Variants in IRAK3 observed in about 807,000 individuals in gnomAD.
The protein encoded by IRAK3 is interleukin-1 receptor-associated kinase 3.
A neutral mutation model predicts 56.6 loss-of-function variants in IRAK3; 57 were observed. The ratio of observed to expected loss-of-function variants is 1.01; its 90% confidence interval spans 0.81 to 1.26. The LOEUF (loss-of-function observed/expected upper bound fraction) is 1.26. Ranked by LOEUF, IRAK3 falls within the 50% of genes most tolerant of loss-of-function variation. The pLI is 0.00. For synonymous variants in IRAK3, 258 were observed against 255.7 expected, an observed-to-expected ratio of 1.01 and a Z score of -0.09; for missense variants, 703 against 719.0, an observed-to-expected ratio of 0.98 and a Z score of 0.25.
At chr12:66,221,772 G>A (rs1351013478) in intron 6 of IRAK3, among the ~76,000 whole-genome samples, 4 of 152,198 alleles carry the variant, frequency 2.6e-5, no homozygotes, top group East Asian at 1.9e-4. Context: ...GCACATGCCT[G>A]TAATCCCAGC....
At chr12:66,240,145 CT>C (rs1337988926) in intron 8 of IRAK3, among the ~76,000 whole-genome samples, 1 of 152,156 alleles carries the variant, frequency 6.6e-6, no homozygotes, top group African/African-American at 2.4e-5. Flanking sequence ...TTAAAGCATA[CT>C]TTGAGCCCTC....
intron 7 of IRAK3, among the ~76,000 whole-genome samples, chr12:66,227,632 C>T (rs111823197): frequency 0.034 from 5,179 of 151,720 alleles, 276 homozygotes; most frequent in African/African-American, 0.11. Context: ...CATGATGGCA[C>T]ATGCCTGTCC....
At chr12:66,197,262 T>A (rs112196656) in intron 1 of IRAK3, 28,072 of 1,165,222 alleles carry the variant, frequency 0.024, 392 homozygotes, top group Non-Finnish European at 0.027. Flanking sequence ...ACATAATTAG[T>A]CATTGAGAAC....
chr12:66,209,488 C>A lies in IRAK3; in HGVS notation c.349C>A (p.Gln117Lys). The A allele has an allele frequency of 6.2e-7, 1 of 1,606,066 alleles. No homozygotes were observed. The highest frequency in any genetic ancestry group is 8.5e-7 in the Non-Finnish European group (1 of 1,172,948). Residue 117 changes from glutamine to lysine, a missense_variant, in exon 3 of 12, where the codon CAG (glutamine) becomes AAG (lysine). Physicochemically the swap from Gln to Lys is moderately conservative, Grantham distance 53. Transcript: ENST00000261233. ...AVLSPSEKSY[Q>K]EGGFPNILFK... ...GTTGAGTCCTTCAGAGAAGAGTTAT[C>A]AGGAAGGTGGATTTCCAAATATATT... is the stretch of plus-strand genomic sequence containing the variant.
At chr12:66,244,421 ATGTT>A (rs1348325858) in intron 8 of IRAK3, 61 bp from the exon 9 acceptor site, 24 of 1,172,076 alleles carry the variant, frequency 2.0e-5, no homozygotes, top group Non-Finnish European at 2.7e-5. Context: ...AGTTTATAGT[ATGTT>A]TGTTTACACT....
intron 8 of IRAK3, among the ~76,000 whole-genome samples, chr12:66,229,723 G>A (rs891018904): frequency 2.0e-5 from 3 of 152,256 alleles, no homozygotes; most frequent in Non-Finnish European, 4.4e-5. Flanking sequence ...GGAGTTATCC[G>A]TTGGAATTGC....
intron 5 of IRAK3, among the ~76,000 whole-genome samples, chr12:66,212,055 G>A (rs1017040091): frequency 2.3e-4 from 34 of 149,888 alleles, no homozygotes; most frequent in South Asian, 4.2e-4. Context: ...AGGCTGCAGT[G>A]AGCCAAGATT....
chr12:66,213,023 A>G (rs1297903774), intron 5 of IRAK3, among the ~76,000 whole-genome samples: 1 of 152,152 alleles, frequency 6.6e-6, no homozygotes, highest in Admixed American at 6.5e-5. Context: ...TGTTCAGCAC[A>G]TGTATCCAGA....
Position 66,211,460 on chromosome 12 carries a change from T to G in IRAK3, c.451T>G (p.Ser151Ala). ...EHNEKGILLK[S>A]SISFQNIIEG... ...TCCTTCCTAAGGAATACTGCTTAAA[T>G]CTTCCATCAGCTTTCAAAATATCAT... is the stretch of plus-strand genomic sequence containing the variant. The change falls in exon 5 of 12, where the codon TCT becomes GCT. Residue 151 changes from serine to alanine, a missense_variant. Coordinates refer to ENST00000261233, the MANE Select transcript of IRAK3 (RefSeq NM_007199.3). The G allele has an allele frequency of 3.8e-6, 6 of 1,599,198 alleles. No homozygotes were observed. The highest frequency in any genetic ancestry group is 5.1e-6 in the Non-Finnish European group (6 of 1,166,276).
At chr12:66,215,798 A>AGGTG (rs1565804040) in intron 5 of IRAK3, among the ~76,000 whole-genome samples, 1 of 53,996 alleles carries the variant, frequency 1.9e-5, no homozygotes, top group African/African-American at 5.0e-5. Flanking sequence ...ACACACACAC[A>AGGTG]CACACACACA....
Position 66,226,850 on chromosome 12 carries a change from T to A in IRAK3, c.768+13T>A. ...ATTGCAGTGTGTAGTAAGTTCTATC[T>A]ATTATTCTGTCTGATCCTCTGACCC... On this transcript the variant is annotated intron_variant, in intron 7 of 11. Coordinates refer to ENST00000261233, the MANE Select transcript of IRAK3 (RefSeq NM_007199.3). 7.1e-7 allele frequency: 1 copy of A among 1,417,546 alleles called. No homozygotes were observed. The allele number at this position is 1,417,546 out of a possible 1,614,324, so 87.8% of individuals were successfully genotyped here. A position where few individuals can be genotyped will look rare whatever the true frequency, so the allele number is the denominator to read the frequency against.
At chr12:66,205,246 TGTG>T (rs1460163360) in intron 2 of IRAK3, among the ~76,000 whole-genome samples, 3 of 152,252 alleles carry the variant, frequency 2.0e-5, no homozygotes, top group African/African-American at 7.2e-5. Flanking sequence ...CAGAGAATAA[TGTG>T]GACTGTAAGT....
chr12:66,241,580 C>T lies in IRAK3; in HGVS notation c.888-2906C>T, dbSNP rs576791624. ...TCGTTGAAGGGCCTTTTGCAATTTC[C>T]GCTTTCCTAAAACAGAACATCCTTC... On this transcript the variant is annotated intron_variant, in intron 8 of 11. Transcript: ENST00000261233. Among the ~76,000 whole-genome samples, 6 of 152,270 alleles carry T rather than the reference C, an allele frequency of 3.9e-5. No homozygotes were observed. The East Asian group carries it at 7.7e-4, about 20-fold the overall frequency.
At chr12:66,195,324 G>C (rs2052440552) in intron 1 of IRAK3, among the ~76,000 whole-genome samples, 1 of 152,142 alleles carries the variant, frequency 6.6e-6, no homozygotes, top group Non-Finnish European at 1.5e-5. Context: ...TTTAGCAGTT[G>C]GCTGACTGGG....
chr12:66,238,317 T>G (rs1169693721), intron 8 of IRAK3, among the ~76,000 whole-genome samples: 1 of 152,214 alleles, frequency 6.6e-6, no homozygotes, highest in African/African-American at 2.4e-5. Flanking sequence ...CATCAACGCC[T>G]GCTGAATAAC....
At chr12:66,236,493 A>G (rs1012895597) in intron 8 of IRAK3, among the ~76,000 whole-genome samples, 2 of 151,322 alleles carry the variant, frequency 1.3e-5, no homozygotes, top group Non-Finnish European at 2.9e-5. Flanking sequence ...GCTTGAACCC[A>G]GGAGGTGGAG....
rs374773108 is a variant in IRAK3, at chr12:66,228,397, T to C, written c.887+27T>C. Reference sequence around the variant, plus strand: ...TAAATTATTCCAGAGCTTTTGGTTATACCTGAAAGCTTCTTTTATCCTCAC... The same window carrying C: ...TAAATTATTCCAGAGCTTTTGGTTACACCTGAAAGCTTCTTTTATCCTCAC... On this transcript the variant is annotated intron_variant, in intron 8 of 11. Transcript: ENST00000261233. 5.7e-5 allele frequency: 85 copies of C among 1,490,854 alleles called. No individual in the cohort carries two copies. The South Asian group carries it at 7.2e-4, about 13-fold the overall frequency. 92.4% of individuals were successfully genotyped at this position (1,490,854 alleles called of 1,614,324 possible).
rs1327187026 is a variant in IRAK3, at chr12:66,250,759, T to G, written c.*2588T>G. 1 of 152,264 alleles carries G rather than the reference T, an allele frequency of 6.6e-6. No individual in the cohort carries two copies. The highest frequency in any genetic ancestry group is 1.5e-5 in the Non-Finnish European group (1 of 68,046). 9.4% of individuals were successfully genotyped at this position (152,264 alleles called of 1,614,324 possible). A position where few individuals can be genotyped will look rare whatever the true frequency, so the allele number is the denominator to read the frequency against. On this transcript the variant is annotated 3_prime_UTR_variant, in exon 12 of 12. Coordinates refer to ENST00000261233, the MANE Select transcript of IRAK3 (RefSeq NM_007199.3). ...GTTGATTTGAACTTGCTTAGCTGAC[T>G]TAAAGCAGGGTTTCTCAAACTGTAG... is the stretch of plus-strand genomic sequence containing the variant.
chr12:66,197,104 C>G (rs2052461883), intron 1 of IRAK3: 6 of 1,313,416 alleles, frequency 4.6e-6, no homozygotes, highest in African/African-American at 1.5e-5. Flanking sequence ...GATTTCTGAA[C>G]TTCTTAGGTT....
Sources: allele counts gnomAD v4.1 joint callset (sites outside exome capture counted in the v4.1 genomes callset), GRCh38; gene constraint gnomAD v4.1.1; transcripts MANE v1.5; gene names NCBI Gene and HGNC (gene_info 2026-07-23, HGNC 2026-07-21).